NF1: variants seen among roughly 807,000 people sequenced by gnomAD.
NF1 encodes neurofibromin 1.
A neutral mutation model predicts 325.7 loss-of-function variants in NF1; 122 were observed. That is an observed-to-expected ratio of 0.37 (90% CI 0.32 to 0.44). The LOEUF (loss-of-function observed/expected upper bound fraction) is 0.44, where lower values mean the gene tolerates loss of function less well. Ranked by LOEUF, NF1 falls within the 20% of genes least tolerant of loss-of-function variation. The pLI, the probability that NF1 is intolerant of heterozygous loss-of-function variation, is 1.00. For missense variants in NF1, 2,140 were observed against 3,415.4 expected (o/e 0.63, Z 9.31); for synonymous variants, 1,091 against 1,186.0 (o/e 0.92, Z 1.65).
chr17:31,175,107 CAAAAA>C (rs1171161386), intron 5 of NF1, among the ~76,000 whole-genome samples: 9 of 29,038 alleles, frequency 3.1e-4, no homozygotes, highest in Admixed American at 2.5e-3. Flanking sequence ...GACTCCATCT[CAAAAA>C]AAAAAAAAAA....
intron 12 of NF1, among the ~76,000 whole-genome samples, 154 bp downstream of exon 12, chr17:31,206,525 T>C (rs1253311256): frequency 6.6e-6 from 1 of 152,158 alleles, no homozygotes; most frequent in Non-Finnish European, 1.5e-5. Context: ...AGAATATTGT[T>C]GAATACTAGA....
intron 24 of NF1, among the ~76,000 whole-genome samples, chr17:31,231,813 T>C (rs993930986): frequency 5.3e-4 from 81 of 152,198 alleles, no homozygotes; most frequent in African/African-American, 1.8e-3. Context: ...CCATTGTACA[T>C]GCTTCTGATT....
At chr17:31,184,794 G>T (rs1177975483) in intron 8 of NF1, among the ~76,000 whole-genome samples, 1 of 152,060 alleles carries the variant, frequency 6.6e-6, no homozygotes, top group African/African-American at 2.4e-5. Context: ...TGTAGAAAAA[G>T]AGCTGAAATT....
At chr17:31,364,175 T>C (rs544785863) in intron 57 of NF1, among the ~76,000 whole-genome samples, 3 of 152,292 alleles carry the variant, frequency 2.0e-5, no homozygotes, top group African/African-American at 7.2e-5. Context: ...TTATCTCCAT[T>C]CCCAGCAGCC....
At chr17:31,311,401 G>A (rs1368894122) in intron 36 of NF1, among the ~76,000 whole-genome samples, 1 of 152,176 alleles carries the variant, frequency 6.6e-6, no homozygotes, top group Non-Finnish European at 1.5e-5. Context: ...CAAAAGACAA[G>A]TATAGATAGC....
At chr17:31,195,549 A>G (rs2066420927) in intron 8 of NF1, among the ~76,000 whole-genome samples, 1 of 151,430 alleles carries the variant, frequency 6.6e-6, no homozygotes, top group African/African-American at 2.4e-5. Flanking sequence ...CCTACCCTCA[A>G]CTCCTGGCAA....
intron 36 of NF1, chr17:31,320,223 G>T: frequency 1.8e-6 from 1 of 542,566 alleles, no homozygotes; most frequent in Non-Finnish European, 3.0e-6. Flanking sequence ...GCATTTATTT[G>T]AATGAACTAA....
At position 31,352,254 on chromosome 17, in the gene NF1, C is replaced by A. The variant is rs1158267419; in HGVS notation, c.7458-3C>A. The A allele has an allele frequency of 6.2e-7, 1 of 1,613,750 alleles. No individual in the cohort carries two copies. Among genetic ancestry groups the A allele is most frequent in the African/African-American group, 1.3e-5 (1 of 75,000 alleles). On this transcript the variant is annotated splice_region_variant and splice_polypyrimidine_tract_variant and intron_variant, in intron 50 of 57. Coordinates refer to ENST00000358273, the MANE Select transcript of NF1 (RefSeq NM_001042492.3). Reference sequence around the variant, plus strand: ...ATTTTTCTCTATTGTTTTCATCTTTCAGGACACTAAAGGAGACTCAGCCAT... The same window carrying A: ...ATTTTTCTCTATTGTTTTCATCTTTAAGGACACTAAAGGAGACTCAGCCAT...
chr17:31,236,191 T>C (rs1326792482), intron 29 of NF1, among the ~76,000 whole-genome samples, 170 bp downstream of exon 29: 3 of 152,194 alleles, frequency 2.0e-5, no homozygotes, highest in Admixed American at 6.5e-5. Context: ...ATCTGTAATT[T>C]TTTTTTAAGG....
At chr17:31,260,924 T>C (rs756544838) in intron 34 of NF1, among the ~76,000 whole-genome samples, 1 of 152,170 alleles carries the variant, frequency 6.6e-6, no homozygotes, top group Non-Finnish European at 1.5e-5. Flanking sequence ...GTGATACTCT[T>C]AAGTATATGC....
At chr17:31,363,577 C>A (rs1436473865) in intron 57 of NF1, among the ~76,000 whole-genome samples, 1 of 151,452 alleles carries the variant, frequency 6.6e-6, no homozygotes, top group Non-Finnish European at 1.5e-5. Flanking sequence ...GCTGGGACTA[C>A]AGGCGCCCAC....
intron 31 of NF1, chr17:31,253,905 G>C (rs540564105): frequency 1.3e-5 from 2 of 152,068 alleles, no homozygotes; most frequent in South Asian, 2.1e-4. Flanking sequence ...TTCTTAAAAG[G>C]GTGTAATTTA....
At chr17:31,313,549 C>A (rs1258706786) in intron 36 of NF1, among the ~76,000 whole-genome samples, 1 of 151,472 alleles carries the variant, frequency 6.6e-6, no homozygotes, top group Non-Finnish European at 1.5e-5. Flanking sequence ...ACTAAAAATA[C>A]AAAAAAATTA....
intron 1 of NF1, among the ~76,000 whole-genome samples, chr17:31,098,096 T>TA (rs1275082487): frequency 6.8e-6 from 1 of 147,900 alleles, no homozygotes; most frequent in African/African-American, 2.5e-5. Context: ...ATAAGGTACT[T>TA]ATATATATTA....
chr17:31,356,587 GA>G lies in NF1; in HGVS notation c.7738+8del, dbSNP rs1597865876. 2 of 1,613,496 alleles carry G rather than the reference GA, an allele frequency of 1.2e-6. No homozygotes were observed. The highest frequency in any genetic ancestry group is 1.7e-6 in the Non-Finnish European group (2 of 1,179,640). On this transcript the variant is annotated splice_donor_region_variant and intron_variant, in intron 52 of 57. Coordinates refer to ENST00000358273, the MANE Select transcript of NF1 (RefSeq NM_001042492.3). ...CAGAAACTGATTATGAAATGGGTGA[GA>G]AACAAAGTATTGATCTAGATCATTG...
intron 36 of NF1, chr17:31,321,400 G>C (rs1290670801): frequency 1.3e-5 from 2 of 152,108 alleles, no homozygotes; most frequent in Non-Finnish European, 2.9e-5. Context: ...TTGTTAGTGA[G>C]ATTCTTACAC....
chr17:31,222,201 AT>A, intron 15 of NF1: 1 of 1,140,852 alleles, frequency 8.8e-7, no homozygotes, highest in Non-Finnish European at 1.1e-6. Flanking sequence ...CTTTTTTCAG[AT>A]TTCAATGTGG....
chr17:31,302,110 C>T (rs2068585963), intron 36 of NF1, among the ~76,000 whole-genome samples: 1 of 152,040 alleles, frequency 6.6e-6, no homozygotes, highest in African/African-American at 2.4e-5. Flanking sequence ...GTGAATTATT[C>T]TTCCCCCAGC....
intron 11 of NF1, among the ~76,000 whole-genome samples, chr17:31,203,830 T>C (rs2066574027): frequency 6.6e-6 from 1 of 152,140 alleles, no homozygotes; most frequent in Non-Finnish European, 1.5e-5. Context: ...GTGATGTGTA[T>C]TGAGGGTTTG....
Sources: allele counts gnomAD v4.1 joint callset (sites outside exome capture counted in the v4.1 genomes callset), GRCh38; gene constraint gnomAD v4.1.1; transcripts MANE v1.5; gene names NCBI Gene and HGNC (gene_info 2026-07-23, HGNC 2026-07-21).